KCNIP4: variants seen among roughly 807,000 people sequenced by gnomAD.
KCNIP4 encodes potassium voltage-gated channel interacting protein 4.
In KCNIP4, 12 loss-of-function variants were observed where a neutral mutation model predicts 34.0. The observed-to-expected ratio is 0.35, with a 90% CI of 0.23 to 0.57. KCNIP4 has a LOEUF of 0.57. Among genes scored for constraint, KCNIP4 ranks in the 20% least tolerant of loss-of-function variants. The pLI, the probability that KCNIP4 is intolerant of heterozygous loss-of-function variation, is 0.83. For synonymous variants in KCNIP4, 124 were observed against 102.2 expected, an observed-to-expected ratio of 1.21 and a Z score of -1.29; for missense variants, 238 against 311.7, an observed-to-expected ratio of 0.76 and a Z score of 1.78.
chr4:21,124,346 C>T (rs913551464), intron 1 of KCNIP4, among the ~76,000 whole-genome samples: 5 of 152,136 alleles, frequency 3.3e-5, no homozygotes, highest in African/African-American at 9.7e-5. Context: ...CCCTGGACTA[C>T]GTTTTGAGAA....
chr4:21,097,754 T>C (rs570202724), intron 1 of KCNIP4, among the ~76,000 whole-genome samples: 2 of 152,246 alleles, frequency 1.3e-5, no homozygotes, highest in East Asian at 1.9e-4. Context: ...AGAAAAAACA[T>C]TATTGAAATT....
chr4:21,649,528 G>T (rs1747307956), intron 1 of KCNIP4, among the ~76,000 whole-genome samples: 1 of 152,128 alleles, frequency 6.6e-6, no homozygotes, highest in Non-Finnish European at 1.5e-5. Context: ...ATGTCTTATG[G>T]AGTAGTTAGT....
intron 1 of KCNIP4, among the ~76,000 whole-genome samples, chr4:21,416,859 G>T (rs982513445): frequency 1.3e-5 from 2 of 152,180 alleles, no homozygotes; most frequent in African/African-American, 2.4e-5. Context: ...TCAGGACTCA[G>T]ACAGAAGACA....
chr4:21,343,178 G>A (rs777680432), intron 1 of KCNIP4, among the ~76,000 whole-genome samples: 2 of 152,078 alleles, frequency 1.3e-5, no homozygotes, highest in Non-Finnish European at 2.9e-5. Context: ...TTAAGTCTAT[G>A]ATAAATAGGC....
chr4:21,943,080 A>G (rs1038787024), intron 1 of KCNIP4, among the ~76,000 whole-genome samples: 1 of 152,218 alleles, frequency 6.6e-6, no homozygotes, highest in African/African-American at 2.4e-5. Context: ...TAGTTTGTGA[A>G]GCATTGTAGA....
At chr4:21,634,243 A>C (rs1291155482) in intron 1 of KCNIP4, among the ~76,000 whole-genome samples, 1 of 140,432 alleles carries the variant, frequency 7.1e-6, no homozygotes, top group Non-Finnish European at 1.6e-5. Context: ...AAAAAAAAAA[A>C]AAAACACATA....
intron 1 of KCNIP4, among the ~76,000 whole-genome samples, chr4:21,236,622 T>C (rs970001162): frequency 1.3e-5 from 2 of 152,140 alleles, no homozygotes; most frequent in East Asian, 1.9e-4. Context: ...ATAAGCTATA[T>C]CTGGTACTAA....
chr4:20,855,459 C>T (rs1560517778), intron 2 of KCNIP4, among the ~76,000 whole-genome samples: 1 of 152,086 alleles, frequency 6.6e-6, no homozygotes, highest in Admixed American at 6.6e-5. Flanking sequence ...ATCCCTTGTC[C>T]CATGGGTCAG....
chr4:21,768,907 T>C (rs1718597874), intron 1 of KCNIP4, among the ~76,000 whole-genome samples: 1 of 152,142 alleles, frequency 6.6e-6, no homozygotes, highest in African/African-American at 2.4e-5. Flanking sequence ...CATGTAATCA[T>C]ATGTCAATTT....
intron 1 of KCNIP4, among the ~76,000 whole-genome samples, chr4:21,568,765 C>T (rs958343713): frequency 1.3e-5 from 2 of 152,072 alleles, no homozygotes. Context: ...TGTTGGGATT[C>T]GGACTGGCTT....
intron 1 of KCNIP4, among the ~76,000 whole-genome samples, chr4:21,136,630 T>C (rs1245726548): frequency 1.3e-5 from 2 of 152,116 alleles, no homozygotes; most frequent in African/African-American, 4.8e-5. Context: ...ATAATTCTCT[T>C]GGGATGCAGG....
At chr4:21,273,560 T>C (rs1762276275) in intron 1 of KCNIP4, among the ~76,000 whole-genome samples, 1 of 152,176 alleles carries the variant, frequency 6.6e-6, no homozygotes, top group African/African-American at 2.4e-5. Flanking sequence ...ATCATTATAC[T>C]CTTTCCATGA....
intron 1 of KCNIP4, among the ~76,000 whole-genome samples, chr4:21,662,333 G>A (rs766153575): frequency 2.8e-4 from 43 of 152,140 alleles, no homozygotes; most frequent in Non-Finnish European, 5.0e-4. Context: ...CATAAAAAAT[G>A]TCCAAAGTCA....
At chr4:20,747,137 C>G (rs558974666) in intron 5 of KCNIP4, among the ~76,000 whole-genome samples, 1 of 152,234 alleles carries the variant, frequency 6.6e-6, no homozygotes, top group African/African-American at 2.4e-5. Flanking sequence ...ATTGCAATTA[C>G]TGGTATTTTA....
chr4:20,934,210 T>C (rs765712147), intron 1 of KCNIP4, among the ~76,000 whole-genome samples: 1 of 152,170 alleles, frequency 6.6e-6, no homozygotes, highest in East Asian at 1.9e-4. Context: ...CCTGTCCATG[T>C]TTTTCTGCCT....
chr4:21,855,269 GTCTC>G (rs1194190571), intron 1 of KCNIP4, among the ~76,000 whole-genome samples: 1 of 152,084 alleles, frequency 6.6e-6, no homozygotes, highest in Non-Finnish European at 1.5e-5. Context: ...TTATGACTTT[GTCTC>G]TCTCAGTCTT....
chr4:21,597,045 G>A (rs908745822), intron 1 of KCNIP4, among the ~76,000 whole-genome samples: 2 of 152,030 alleles, frequency 1.3e-5, no homozygotes, highest in African/African-American at 4.8e-5. Flanking sequence ...ATGTGAAGTC[G>A]TCCCACCTAC....
At chr4:21,302,607 C>A (rs1287351222) in intron 1 of KCNIP4, among the ~76,000 whole-genome samples, 2 of 152,132 alleles carry the variant, frequency 1.3e-5, no homozygotes, top group Admixed American at 1.3e-4. Flanking sequence ...CTTTCTAGAA[C>A]TACAGATATT....
intron 1 of KCNIP4, among the ~76,000 whole-genome samples, chr4:21,121,516 G>T (rs1387756552): frequency 6.6e-6 from 1 of 152,200 alleles, no homozygotes; most frequent in Non-Finnish European, 1.5e-5. Flanking sequence ...AGTGCTGACT[G>T]CATGCCTTCT....
Sources: gnomAD v4.1 joint callset for allele counts (sites outside exome capture counted in the v4.1 genomes callset) on GRCh38, gnomAD v4.1.1 for gene constraint, MANE v1.5 for transcripts, NCBI Gene and HGNC (gene_info 2026-07-23, HGNC 2026-07-21) for gene names.